The following OSBP variants were observed in gnomAD, a reference collection of about 807,000 sequenced individuals.
The protein encoded by OSBP is oxysterol binding protein.
A neutral mutation model predicts 96.6 loss-of-function variants in OSBP; 32 were observed. That is an observed-to-expected ratio of 0.33 (90% confidence interval 0.25 to 0.45). The LOEUF (loss-of-function observed/expected upper bound fraction) is 0.45, where lower values mean the gene tolerates loss of function less well. Among genes scored for constraint, OSBP ranks in the 20% least tolerant of loss-of-function variants. The probability of loss-of-function intolerance (pLI) is 1.00; values close to 1 mark genes in which losing one functional copy is unlikely to be tolerated. For synonymous variants in OSBP, 369 were observed against 389.6 expected, an observed-to-expected ratio of 0.95 and a Z score of 0.62; for missense variants, 653 against 1,029.7, an observed-to-expected ratio of 0.63 and a Z score of 5.01.
chr11:59,587,685 TGGC>T (rs1282429807), intron 9 of OSBP, among the ~76,000 whole-genome samples: 2 of 152,164 alleles, frequency 1.3e-5, no homozygotes, highest in East Asian at 3.8e-4. Context: ...TAAAAAGTGT[TGGC>T]AAGGATATGG....
chr11:59,614,968 C>A (rs546259395), intron 1 of OSBP, among the ~76,000 whole-genome samples: 91 of 152,320 alleles, frequency 6.0e-4, no homozygotes, highest in African/African-American at 2.1e-3. Flanking sequence ...TACACCAGTG[C>A]CTTGCTTGCA....
At chr11:59,614,798 T>G (rs1235305777) in intron 1 of OSBP, among the ~76,000 whole-genome samples, 2 of 152,202 alleles carry the variant, frequency 1.3e-5, no homozygotes, top group Admixed American at 1.3e-4. Context: ...GATGCCCTTA[T>G]GTCTGAATGT....
At chr11:59,595,862 T>G (rs1297331019) in intron 7 of OSBP, among the ~76,000 whole-genome samples, 4 of 151,518 alleles carry the variant, frequency 2.6e-5, no homozygotes, top group African/African-American at 4.9e-5. Flanking sequence ...GATGATGGCT[T>G]GAGCCCAGGA....
At chr11:59,611,161 AG>A (rs1860841848) in intron 1 of OSBP, among the ~76,000 whole-genome samples, 1 of 151,818 alleles carries the variant, frequency 6.6e-6, no homozygotes, top group Non-Finnish European at 1.5e-5. Context: ...AAAGAAAGAA[AG>A]AAAGAAAGAA....
intron 2 of OSBP, 109 bp from the exon 3 acceptor site, chr11:59,608,843 C>T: frequency 9.1e-7 from 1 of 1,102,668 alleles, no homozygotes; most frequent in Admixed American, 1.9e-5. Context: ...TGTGTGCATT[C>T]TGACTCACTG....
intron 9 of OSBP, among the ~76,000 whole-genome samples, chr11:59,586,866 A>G (rs1238153564): frequency 2.0e-5 from 3 of 152,230 alleles, no homozygotes; most frequent in Non-Finnish European, 4.4e-5. Flanking sequence ...ATGTACAAAA[A>G]TTAACTCAAA....
chr11:59,576,950 G>C lies in OSBP; in HGVS notation c.2136C>G (p.Pro712=). The change falls in exon 13 of 14, where the codon CCC becomes CCG. Residue 712 remains proline (P), a synonymous_variant. Coordinates refer to ENST00000263847, the MANE Select transcript of OSBP (RefSeq NM_002556.3). ...TLNAWESGTA[P]TDSRLRPDQR... Reference sequence around the variant, plus strand: ...GGTCAGGTCGTAACCGGCTGTCTGTGGGGGCAGTGCCACTTTCCCAAGCAT... The same window carrying C: ...GGTCAGGTCGTAACCGGCTGTCTGTCGGGGCAGTGCCACTTTCCCAAGCAT... 1 of 1,614,168 alleles carries C rather than the reference G, an allele frequency of 6.2e-7. No individual in the cohort carries two copies. The highest frequency in any genetic ancestry group is 8.5e-7 in the Non-Finnish European group (1 of 1,180,032).
rs147233591 is a variant in OSBP, at chr11:59,596,419, T to G, written c.1312-2164A>C. Reference sequence around the variant, plus strand: ...AATCAGCACATTGCTATCACTGCTTTTCACACACACACAGCCTTGCCCATC... The same window carrying G: ...AATCAGCACATTGCTATCACTGCTTGTCACACACACACAGCCTTGCCCATC... On this transcript the variant is annotated intron_variant, in intron 7 of 13. Coordinates refer to ENST00000263847, the MANE Select transcript of OSBP (RefSeq NM_002556.3). 6.4e-4 allele frequency among the ~76,000 whole-genome samples: 98 copies of G among 152,222 alleles called. 3 individuals carry two copies. The East Asian group carries it at 0.018, about 28-fold the overall frequency.
chr11:59,576,577 T>G lies in OSBP; in HGVS notation c.2424A>C (p.Ter808CysextTer25), dbSNP rs1238839857. The G allele has an allele frequency of 6.2e-7, 1 of 1,611,564 alleles. No homozygotes were observed. Among genetic ancestry groups the G allele is most frequent in the Admixed American group, 1.7e-5 (1 of 59,196 alleles). Residue 808 changes from the stop codon to cysteine (C), a stop_lost, in exon 14 of 14, where the codon TGA (stop) becomes TGC (cysteine). Transcript: ENST00000263847. ...QDWSSCPDIF[*>C] ...GCTCCTCTTTTTTGTTACTGCCGTT[T>G]CAGAAAATGTCCGGGCATGAGCTCC...
At chr11:59,614,468 C>T (rs1440601992) in intron 1 of OSBP, among the ~76,000 whole-genome samples, 1 of 152,182 alleles carries the variant, frequency 6.6e-6, no homozygotes, top group Non-Finnish European at 1.5e-5. Context: ...AGCCCAAAAG[C>T]GTGCCATGTG....
At position 59,578,235 on chromosome 11, in the gene OSBP, G is replaced by A. The variant is rs146624315; in HGVS notation, c.1974C>T (p.Val658=). The change falls in exon 12 of 14, where the codon GTC becomes GTT. Residue 658 remains valine (V), a synonymous_variant. Transcript: ENST00000263847. ...GAGCATCACCCCCATTTTCCCCAAT[G>A]ACTGGCTGTACTTTGAAACATTCCA... ...EKMECFKVQP[V]IGENGGDARQ... The A allele has an allele frequency of 1.2e-6, 2 of 1,613,996 alleles. No individual in the cohort carries two copies. The highest frequency in any genetic ancestry group is 2.7e-5 in the African/African-American group (2 of 74,890).
intron 9 of OSBP, among the ~76,000 whole-genome samples, chr11:59,589,310 C>T (rs1162553860): frequency 6.7e-6 from 1 of 148,514 alleles, no homozygotes; most frequent in African/African-American, 2.5e-5. Flanking sequence ...TTAAATGTAT[C>T]TTTTTGGCCA....
In OSBP at chr11:59,602,713, C is replaced by T. The variant is rs11230018; in HGVS notation, c.823-875G>A. ...CAGCTCACTGCAGCCTCAACCTCGT[C>T]GGGCTCAGGTGATCCTCCTACCTTA... On this transcript the variant is annotated intron_variant, in intron 3 of 13. Transcript: ENST00000263847. Among the ~76,000 whole-genome samples the T allele has an allele frequency of 4.2e-3, 643 of 152,258 alleles. 30 individuals are homozygous for T. The East Asian group carries it at 0.1, about 24-fold the overall frequency.
In OSBP at chr11:59,576,839, C is replaced by T; in HGVS notation, c.2247G>A (p.Lys749=). Residue 749 remains lysine (K), a synonymous_variant, in exon 13 of 14, where the codon AAG becomes AAA. Coordinates refer to ENST00000263847, the MANE Select transcript of OSBP (RefSeq NM_002556.3). ...TGGCTTTCATAGCTTCCGCTTCTCT[C>T]TTCTTTCTGGAAAGTCTTTGTTTTT... ...LEEKQRLSRK[K]REAEAMKATE... 10 of 1,614,226 alleles carry T rather than the reference C, an allele frequency of 6.2e-6. No individual in the cohort carries two copies. Among genetic ancestry groups the T allele is most frequent in the Non-Finnish European group, 8.5e-6 (10 of 1,180,040 alleles).
chr11:59,611,256 G>C (rs971549823), intron 1 of OSBP, among the ~76,000 whole-genome samples: 1 of 151,832 alleles, frequency 6.6e-6, no homozygotes, highest in African/African-American at 2.4e-5. Flanking sequence ...TTTGACAAAT[G>C]TACACAAGTG....
chr11:59,601,150 A>G, intron 5 of OSBP, 133 bp downstream of exon 5: 1 of 561,648 alleles, frequency 1.8e-6, no homozygotes, highest in Non-Finnish European at 3.1e-6. Flanking sequence ...AAGGGCCCAG[A>G]TTCAATATTG....
intron 7 of OSBP, among the ~76,000 whole-genome samples, chr11:59,595,609 T>C (rs1860639820): frequency 6.6e-6 from 1 of 152,166 alleles, no homozygotes; most frequent in Non-Finnish European, 1.5e-5. Context: ...ACTATTAACA[T>C]TTTCAGTTTG....
At chr11:59,614,368 T>C (rs1860893959) in intron 1 of OSBP, among the ~76,000 whole-genome samples, 1 of 152,172 alleles carries the variant, frequency 6.6e-6, no homozygotes, top group East Asian at 1.9e-4. Flanking sequence ...TGAAATACTG[T>C]ATATAAAACA....
At chr11:59,584,203 T>C (rs547696412) in intron 9 of OSBP, among the ~76,000 whole-genome samples, 26 of 152,206 alleles carry the variant, frequency 1.7e-4, no homozygotes, top group African/African-American at 6.0e-4. Flanking sequence ...CACCTCAGCC[T>C]CCCAAAGTAC....
Sources: allele counts gnomAD v4.1 joint callset (sites outside exome capture counted in the v4.1 genomes callset), GRCh38; gene constraint gnomAD v4.1.1; transcripts MANE v1.5; gene names NCBI Gene and HGNC (gene_info 2026-07-23, HGNC 2026-07-21).